Variants in PHACTR1 observed in about 807,000 individuals in gnomAD.
PHACTR1 encodes phosphatase and actin regulator 1.
Under a neutral mutation model 69.2 loss-of-function variants are expected in PHACTR1, and 16 were observed. The ratio of observed to expected loss-of-function variants is 0.23; its 90% CI spans 0.16 to 0.35. The LOEUF is 0.35. PHACTR1 is among the 10% of genes least tolerant of loss of function. The pLI, the probability that PHACTR1 is intolerant of heterozygous loss-of-function variation, is 1.00. For missense variants in PHACTR1, 510 were observed against 734.7 expected (o/e 0.69, Z 3.54); for synonymous variants, 312 against 284.5 (o/e 1.10, Z -0.97).
chr6:12,958,025 G>A (rs1015354091), intron 4 of PHACTR1: 1 of 985,276 alleles, frequency 1.0e-6, no homozygotes, highest in African/African-American at 1.7e-5. Flanking sequence ...AAGAGCTTTG[G>A]GCAGCCTTTA....
rs763024680 is a variant in PHACTR1 at position 13,283,627 on chromosome 6, C to T, written c.1650+65C>T. ...GTCTGCTGGGTCTCGCTGGGCTCAC[C>T]GCTGGGGAGCGTGTAGGGAGACCTG... On this transcript the variant is annotated intron_variant, in intron 13 of 14. Transcript: ENST00000332995. This position sits in a 1 kb window ranked among gnomAD's most constrained non-coding sequence, Gnocchi z 4.7. The T allele has an allele frequency of 2.5e-5, 40 of 1,610,878 alleles. No homozygotes were observed. Among genetic ancestry groups the T allele is most frequent in the Non-Finnish European group, 3.1e-5 (36 of 1,178,942 alleles).
intron 4 of PHACTR1, among the ~76,000 whole-genome samples, chr6:12,907,963 A>G (rs1431022715): frequency 6.6e-6 from 1 of 152,222 alleles, no homozygotes; most frequent in South Asian, 2.1e-4. Flanking sequence ...TTCACAATAT[A>G]AAAAGACAAC....
intron 4 of PHACTR1, among the ~76,000 whole-genome samples, chr6:12,777,631 T>TC: frequency 2.4e-5 from 1 of 41,844 alleles, no homozygotes; most frequent in South Asian, 5.5e-4. Flanking sequence ...TCTTCTTTTT[T>TC]TTTTTTTTTT....
intron 4 of PHACTR1, among the ~76,000 whole-genome samples, chr6:12,991,335 G>A (rs530546687): frequency 1.4e-4 from 22 of 152,342 alleles, no homozygotes; most frequent in Middle Eastern, 3.4e-3. Context: ...TTGCAGGGCA[G>A]TAGATGGGCA....
intron 5 of PHACTR1, among the ~76,000 whole-genome samples, chr6:13,092,435 G>A (rs2127832292): frequency 6.6e-6 from 1 of 152,276 alleles, no homozygotes. Flanking sequence ...CTGTTAAGTA[G>A]CTTCCAGTCT....
intron 10 of PHACTR1, among the ~76,000 whole-genome samples, chr6:13,260,637 A>G (rs1371875276): frequency 6.6e-6 from 1 of 152,138 alleles, no homozygotes; most frequent in African/African-American, 2.4e-5. Context: ...TCAAGATCTC[A>G]CACTTGTTAA....
intron 4 of PHACTR1, among the ~76,000 whole-genome samples, chr6:12,799,926 C>T (rs889888212): frequency 2.0e-5 from 3 of 152,194 alleles, no homozygotes; most frequent in East Asian, 1.9e-4. Context: ...GCATGTTACA[C>T]TCTTTTGCAA....
intron 4 of PHACTR1, among the ~76,000 whole-genome samples, chr6:12,870,557 C>A (rs935090660): frequency 1.3e-5 from 2 of 152,226 alleles, no homozygotes; most frequent in Non-Finnish European, 2.9e-5. Flanking sequence ...TTTGAAGGGT[C>A]TGTGTCTCTA....
At chr6:13,013,247 T>C (rs1458917282) in intron 4 of PHACTR1, among the ~76,000 whole-genome samples, 5 of 152,264 alleles carry the variant, frequency 3.3e-5, no homozygotes, top group Non-Finnish European at 4.4e-5. Flanking sequence ...TCCTTTTTAA[T>C]GACCCTGGCG....
chr6:13,209,431 T>C (rs1766456613), intron 8 of PHACTR1, among the ~76,000 whole-genome samples: 1 of 152,238 alleles, frequency 6.6e-6, no homozygotes, highest in Non-Finnish European at 1.5e-5. Context: ...CACTCAGGCA[T>C]CCTGCCTTTA....
Position 12,875,211 on chromosome 6 carries a change from T to A in PHACTR1, c.250+125421T>A, listed in dbSNP as rs969432423. 3.3e-5 allele frequency among the ~76,000 whole-genome samples: 5 copies of A among 152,222 alleles called. No homozygotes were observed. The East Asian group carries it at 9.6e-4, about 29-fold the overall frequency. On this transcript the variant is annotated intron_variant, in intron 4 of 14. Transcript: ENST00000332995. ...ATTTACACATGGACATTGTACTTAA[T>A]GTATTCAATGGCGTGCATGTTACAA...
At chr6:12,865,964 A>C (rs1582169822) in intron 4 of PHACTR1, among the ~76,000 whole-genome samples, 1 of 151,650 alleles carries the variant, frequency 6.6e-6, no homozygotes, top group African/African-American at 2.4e-5. Context: ...CTCCCTCCCC[A>C]CCCTAAGAAA....
At chr6:13,014,900 C>T (rs1271969198) in intron 4 of PHACTR1, among the ~76,000 whole-genome samples, 1 of 152,250 alleles carries the variant, frequency 6.6e-6, no homozygotes, top group Non-Finnish European at 1.5e-5. Flanking sequence ...GCAGAAGCCT[C>T]TGCAGCTGTG....
chr6:13,046,145 G>A (rs1804997211), intron 4 of PHACTR1, among the ~76,000 whole-genome samples: 1 of 152,128 alleles, frequency 6.6e-6, no homozygotes, highest in African/African-American at 2.4e-5. Context: ...GTGGCGTAAT[G>A]GTTGCATCTG....
intron 5 of PHACTR1, among the ~76,000 whole-genome samples, chr6:13,062,921 T>C (rs1311219170): frequency 6.6e-6 from 1 of 152,060 alleles, no homozygotes; most frequent in Non-Finnish European, 1.5e-5. Context: ...AGAGACAAAA[T>C]TGATAGGTTG....
At chr6:13,025,364 T>C (rs562766560) in intron 4 of PHACTR1, among the ~76,000 whole-genome samples, 1 of 152,192 alleles carries the variant, frequency 6.6e-6, no homozygotes, top group East Asian at 1.9e-4. Flanking sequence ...ACAAGCATCT[T>C]GGAAGACGCC....
At chr6:12,832,327 C>T (rs890638542) in intron 4 of PHACTR1, among the ~76,000 whole-genome samples, 7 of 151,948 alleles carry the variant, frequency 4.6e-5, no homozygotes, top group African/African-American at 7.3e-5. Context: ...TTTCATATAC[C>T]GTAAAACTGA....
chr6:12,884,697 G>A (rs745746145), intron 4 of PHACTR1, among the ~76,000 whole-genome samples: 2 of 152,106 alleles, frequency 1.3e-5, no homozygotes, highest in Admixed American at 6.6e-5. Context: ...CACCGCGCCC[G>A]GCCTTTGGAA....
chr6:13,190,760 C>T (rs1310033934), intron 7 of PHACTR1, among the ~76,000 whole-genome samples: 1 of 129,702 alleles, frequency 7.7e-6, no homozygotes, highest in East Asian at 2.4e-4. Context: ...ACACACCTAC[C>T]CAGGACTTAT....
Sources: allele counts gnomAD v4.1 joint callset (sites outside exome capture counted in the v4.1 genomes callset), GRCh38; gene constraint gnomAD v4.1.1; non-coding constraint Gnocchi (gnomAD v3.1); transcripts MANE v1.5; gene names NCBI Gene and HGNC (gene_info 2026-07-23, HGNC 2026-07-21).